Variants in TG observed in about 807,000 individuals in gnomAD.
The protein encoded by TG is thyroid hormones.
Under a neutral mutation model 324.7 loss-of-function variants are expected in TG, and 270 were observed. The observed-to-expected ratio is 0.83, with a 90% CI of 0.75 to 0.92. The LOEUF (loss-of-function observed/expected upper bound fraction) is 0.92. TG is among the 40% of genes least tolerant of loss of function. TG has a pLI of 0.00. For missense variants in TG, 3,591 were observed against 3,456.4 expected (o/e 1.04, Z -0.98); for synonymous variants, 1,401 against 1,327.0 (o/e 1.06, Z -1.21).
chr8:132,961,290 A>G (rs780926474), intron 28 of TG, among the ~76,000 whole-genome samples: 17 of 152,184 alleles, frequency 1.1e-4, no homozygotes, highest in Admixed American at 4.6e-4. Context: ...CCAAGAAGGG[A>G]TGGATAGAGG....
intron 41 of TG, chr8:133,060,158 C>T (rs1842160054): frequency 6.2e-7 from 1 of 1,612,638 alleles, no homozygotes; most frequent in Non-Finnish European, 8.5e-7. Context: ...TGCTGTTTCC[C>T]ATTTCTTTCT....
chr8:132,934,614 CT>C (rs1823289595), intron 24 of TG, among the ~76,000 whole-genome samples: 2 of 152,206 alleles, frequency 1.3e-5, no homozygotes, highest in African/African-American at 2.4e-5. Context: ...CTCCAAGGCT[CT>C]TCCTCCTCTC....
chr8:132,995,200 C>T, intron 35 of TG: 1 of 955,828 alleles, frequency 1.0e-6, no homozygotes, highest in Non-Finnish European at 1.2e-6. Flanking sequence ...CTCTAAGCCC[C>T]AGTTTCTTTA....
chr8:132,896,341 GTCCCCAGATGGGC>G (rs1254512478), intron 11 of TG, among the ~76,000 whole-genome samples: 1 of 152,232 alleles, frequency 6.6e-6, no homozygotes, highest in East Asian at 1.9e-4. Context: ...CGGTCCTGGT[GTCCCCAGATGGGC>G]TCTGACTGTG....
At chr8:132,989,732 T>A (rs949249289) in intron 35 of TG, among the ~76,000 whole-genome samples, 1 of 152,194 alleles carries the variant, frequency 6.6e-6, no homozygotes, top group Non-Finnish European at 1.5e-5. Context: ...ACTTGATCTT[T>A]TCTGCAAATG....
At chr8:132,898,032 G>T in intron 12 of TG, 137 bp from the exon 13 acceptor site, 1 of 955,468 alleles carries the variant, frequency 1.0e-6, no homozygotes, top group Non-Finnish European at 1.6e-6. Context: ...GACAATGTCC[G>T]GCTGGGGGTC....
At chr8:133,093,147 T>TCTTTTCTTTTCTTTTCTTTTC (rs1564180977) in intron 41 of TG, among the ~76,000 whole-genome samples, 10 of 149,788 alleles carry the variant, frequency 6.7e-5, no homozygotes, top group African/African-American at 2.3e-4. Flanking sequence ...TTCTTTTTTT[T>TCTTTTCTTTTCTTTTCTTTTC]TTTTAATTTA....
At chr8:133,038,499 C>G in intron 41 of TG, 1 of 1,546,226 alleles carries the variant, frequency 6.5e-7, no homozygotes, top group African/African-American at 1.4e-5. Flanking sequence ...TCCTTTTGGG[C>G]ATGAACCATT....
chr8:132,933,314 G>GTTTGGAGC (rs1276799918), intron 23 of TG, among the ~76,000 whole-genome samples: 3 of 151,448 alleles, frequency 2.0e-5, no homozygotes, highest in South Asian at 2.1e-4. Flanking sequence ...ATATTTGTGT[G>GTTTGGAGC]TGTCTGTGTG....
intron 46 of TG, 179 bp from the exon 47 acceptor site, chr8:133,133,291 T>C (rs994286007): frequency 1.4e-6 from 1 of 693,492 alleles, no homozygotes; most frequent in Non-Finnish European, 2.6e-6. Context: ...AGTGCTAGCT[T>C]TGCAGTGCAG....
At chr8:133,006,069 A>G (rs891696863) in intron 35 of TG, among the ~76,000 whole-genome samples, 2 of 152,248 alleles carry the variant, frequency 1.3e-5, no homozygotes, top group African/African-American at 4.8e-5. Context: ...TCCATGTGTC[A>G]TCTACAGAGA....
At position 133,017,785 on chromosome 8, in the gene TG, T is replaced by G; in HGVS notation, c.6570T>G (p.Ser2190=). 6.2e-7 allele frequency: 1 copy of G among 1,614,152 alleles called. No homozygotes were observed. The highest frequency in any genetic ancestry group is 8.5e-7 in the Non-Finnish European group (1 of 1,180,024). Residue 2190 remains serine (S), a synonymous_variant, in exon 38 of 48, where the codon TCT becomes TCG. Coordinates refer to ENST00000220616, the MANE Select transcript of TG (RefSeq NM_003235.5). ...TCTTCCCTTTCCCAACAGGAATCTC[T>G]CTGCTCAGCTATGAGGCATCTGTAC... ...ATHIYRKPGI[S]LLSYEASVPS...
chr8:133,092,658 T>C (rs941525360), intron 41 of TG, among the ~76,000 whole-genome samples: 6 of 152,164 alleles, frequency 3.9e-5, no homozygotes, highest in Non-Finnish European at 7.4e-5. Flanking sequence ...CCAAGCCCAC[T>C]TCATCAGGGA....
Position 132,882,496 on chromosome 8 carries a change from A to T in TG, c.773A>T (p.Tyr258Phe), listed in dbSNP as rs371193024. 3 of 1,614,090 alleles carry T rather than the reference A, an allele frequency of 1.9e-6. No homozygotes were observed. Among genetic ancestry groups the T allele is most frequent in the African/African-American group, 2.7e-5 (2 of 74,918 alleles). ...TTGGAGTTGTTACTGGATGAAATTTATGACACCATTTTTGCTGGCCTGGAC... is the reference window on the plus strand; with the variant it reads ...TTGGAGTTGTTACTGGATGAAATTTTTGACACCATTTTTGCTGGCCTGGAC... ...TGLELLLDEI[Y>F]DTIFAGLDLP... is the part of the protein sequence containing the mutation. The change falls in exon 7 of 48, where the codon TAT becomes TTT. Residue 258 changes from tyrosine to phenylalanine, a missense_variant. Coordinates refer to ENST00000220616, the MANE Select transcript of TG (RefSeq NM_003235.5).
chr8:133,029,705 C>T, intron 40 of TG, 116 bp from the exon 41 acceptor site: 4 of 1,269,026 alleles, frequency 3.2e-6, no homozygotes, highest in Non-Finnish European at 1.1e-6. Flanking sequence ...CCTGTGAGGA[C>T]AAGAGCCCAG....
chr8:132,975,106 G>A (rs1016032201), intron 34 of TG, among the ~76,000 whole-genome samples: 3 of 151,802 alleles, frequency 2.0e-5, no homozygotes, highest in African/African-American at 7.3e-5. Flanking sequence ...AACTCATAGA[G>A]GAAGGGAGAA....
chr8:132,867,108 C>A, intron 1 of TG, 41 bp downstream of exon 1: 1 of 1,550,294 alleles, frequency 6.5e-7, no homozygotes, highest in Admixed American at 1.8e-5. Context: ...GGGGAGGGAG[C>A]TCCAGTGTCA....
At chr8:133,086,262 A>G (rs1217186506) in intron 41 of TG, among the ~76,000 whole-genome samples, 1 of 152,208 alleles carries the variant, frequency 6.6e-6, no homozygotes, top group Non-Finnish European at 1.5e-5. Context: ...GATAATGAAA[A>G]TGTTCTAAAA....
At chr8:132,955,570 GT>G (rs1417105238) in intron 27 of TG, among the ~76,000 whole-genome samples, 1 of 152,192 alleles carries the variant, frequency 6.6e-6, no homozygotes, top group Non-Finnish European at 1.5e-5. Context: ...CAAGCCATAT[GT>G]TTTGAATGCT....
Sources: gnomAD v4.1 joint callset for allele counts (sites outside exome capture counted in the v4.1 genomes callset) on GRCh38, gnomAD v4.1.1 for gene constraint, MANE v1.5 for transcripts, NCBI Gene and HGNC (gene_info 2026-07-23, HGNC 2026-07-21) for gene names.